The following CDH8 variants were observed in gnomAD, a reference collection of about 807,000 sequenced individuals.
The protein encoded by CDH8 is cadherin 8, also known as cadherin-8.
CDH8 carries 17 observed loss-of-function variants against 68.1 expected under a neutral mutation model. That is an observed-to-expected ratio of 0.25 (90% CI 0.17 to 0.37). The LOEUF is 0.37. Among genes scored for constraint, CDH8 ranks in the 10% least tolerant of loss-of-function variants. CDH8 has a pLI of 1.00. For missense variants in CDH8, 763 were observed against 999.3 expected (o/e 0.76, Z 3.19); for synonymous variants, 372 against 365.1 (o/e 1.02, Z -0.21).
intron 3 of CDH8, among the ~76,000 whole-genome samples, chr16:61,892,913 G>C (rs1963802730): frequency 6.6e-6 from 1 of 152,178 alleles, no homozygotes; most frequent in African/African-American, 2.4e-5. Context: ...AATGAAGCCT[G>C]AGTTGTCATT....
At chr16:61,925,075 G>A (rs938969230) in intron 2 of CDH8, among the ~76,000 whole-genome samples, 23 of 152,176 alleles carry the variant, frequency 1.5e-4, no homozygotes, top group Non-Finnish European at 2.8e-4. Context: ...TATAGCATAT[G>A]TTTATAGTCT....
intron 2 of CDH8, among the ~76,000 whole-genome samples, chr16:61,950,955 AC>A (rs1402130379): frequency 6.6e-6 from 1 of 152,138 alleles, no homozygotes. Context: ...CAGGCTTAAT[AC>A]CTGAGTGATG....
chr16:61,849,396 T>C (rs926530722), intron 4 of CDH8, among the ~76,000 whole-genome samples: 1 of 152,082 alleles, frequency 6.6e-6, no homozygotes, highest in Non-Finnish European at 1.5e-5. Context: ...CTCTTTGGCT[T>C]CCTCCCAAGT....
intron 2 of CDH8, among the ~76,000 whole-genome samples, chr16:61,967,518 A>G (rs1026304851): frequency 1.3e-5 from 2 of 152,210 alleles, no homozygotes; most frequent in African/African-American, 4.8e-5. Context: ...TTGCATATAC[A>G]TACAGAGCTA....
At chr16:61,992,574 T>C (rs1315172515) in intron 2 of CDH8, among the ~76,000 whole-genome samples, 1 of 151,968 alleles carries the variant, frequency 6.6e-6, no homozygotes, top group East Asian at 1.9e-4. Context: ...ACATGTACCC[T>C]AAAACTTGAA....
At chr16:61,792,238 A>G (rs1961395020) in intron 7 of CDH8, among the ~76,000 whole-genome samples, 1 of 152,036 alleles carries the variant, frequency 6.6e-6, no homozygotes, top group African/African-American at 2.4e-5. Flanking sequence ...AGGAATTTAT[A>G]AAATAGTCTA....
At chr16:61,990,458 C>T (rs191566211) in intron 2 of CDH8, among the ~76,000 whole-genome samples, 4 of 151,500 alleles carry the variant, frequency 2.6e-5, no homozygotes, top group African/African-American at 7.3e-5. Flanking sequence ...TCCCAAAGTG[C>T]GTGTATTTTA....
intron 2 of CDH8, among the ~76,000 whole-genome samples, chr16:61,910,118 C>T (rs1286038824): frequency 2.0e-5 from 3 of 151,652 alleles, no homozygotes; most frequent in Non-Finnish European, 2.9e-5. Context: ...ATATAAGAAC[C>T]CACACACAAA....
intron 8 of CDH8, among the ~76,000 whole-genome samples, chr16:61,729,545 A>G (rs1245739464): frequency 1.3e-5 from 2 of 151,172 alleles, no homozygotes; most frequent in East Asian, 3.9e-4. Context: ...ATTTCACCCA[A>G]CTGGAGTCCC....
At chr16:61,809,024 T>C (rs1335706211) in intron 7 of CDH8, among the ~76,000 whole-genome samples, 1 of 152,032 alleles carries the variant, frequency 6.6e-6, no homozygotes, top group Non-Finnish European at 1.5e-5. Flanking sequence ...CCGTCTCTAC[T>C]AAAAATACAA....
intron 2 of CDH8, among the ~76,000 whole-genome samples, chr16:62,010,834 T>C (rs1901791294): frequency 6.6e-6 from 1 of 151,680 alleles, no homozygotes; most frequent in Admixed American, 6.6e-5. Context: ...TCCCAGCTAC[T>C]CAAGAGGCTG....
chr16:61,721,142 G>A (rs1959213741), intron 9 of CDH8, among the ~76,000 whole-genome samples: 1 of 150,602 alleles, frequency 6.6e-6, no homozygotes, highest in Non-Finnish European at 1.5e-5. Flanking sequence ...TTGCTTTTCT[G>A]TCAAACTTGT....
At chr16:61,802,429 G>A (rs1345115824) in intron 7 of CDH8, among the ~76,000 whole-genome samples, 3 of 122,072 alleles carry the variant, frequency 2.5e-5, no homozygotes, top group South Asian at 3.1e-4. Flanking sequence ...CCAAAGGAAC[G>A]CAGTTCCTCA....
intron 10 of CDH8, among the ~76,000 whole-genome samples, chr16:61,663,538 C>A (rs1435742394): frequency 1.3e-5 from 2 of 151,934 alleles, no homozygotes; most frequent in African/African-American, 4.8e-5. Flanking sequence ...CAGTTCTACT[C>A]CCAGTCTGTA....
At chr16:61,799,641 G>T (rs1596977928) in intron 7 of CDH8, among the ~76,000 whole-genome samples, 1 of 152,102 alleles carries the variant, frequency 6.6e-6, no homozygotes, top group East Asian at 1.9e-4. Flanking sequence ...TTATGAGGAT[G>T]GTGATATTTG....
intron 4 of CDH8, among the ~76,000 whole-genome samples, chr16:61,834,714 G>C (rs974165811): frequency 6.6e-6 from 1 of 151,760 alleles, no homozygotes; most frequent in Non-Finnish European, 1.5e-5. Context: ...GGTGTTACTT[G>C]CTATTTTTGA....
At chr16:62,030,177 T>C (rs1246280440) in intron 1 of CDH8, among the ~76,000 whole-genome samples, 1 of 152,178 alleles carries the variant, frequency 6.6e-6, no homozygotes. Context: ...GACAGTCAGA[T>C]AGACAGCAAG....
intron 10 of CDH8, among the ~76,000 whole-genome samples, chr16:61,688,865 G>A (rs906471610): frequency 1.3e-5 from 2 of 152,078 alleles, no homozygotes; most frequent in Admixed American, 1.3e-4. Context: ...AAAAAATCTC[G>A]AAGTCATTGT....
intron 9 of CDH8, chr16:61,726,217 T>C (rs1019122501): frequency 6.6e-6 from 1 of 150,954 alleles, no homozygotes; most frequent in Non-Finnish European, 1.5e-5. Context: ...AATGTCACCA[T>C]CCAGAAATAA....
Sources: allele counts gnomAD v4.1 joint callset (sites outside exome capture counted in the v4.1 genomes callset), GRCh38; gene constraint gnomAD v4.1.1; transcripts MANE v1.5; gene names NCBI Gene and HGNC (gene_info 2026-07-23, HGNC 2026-07-21).